Variants in SND1 observed in about 807,000 individuals in gnomAD.
The protein encoded by SND1 is staphylococcal nuclease domain-containing protein 1.
SND1 carries 38 observed loss-of-function variants against 121.7 expected under a neutral mutation model. The ratio of observed to expected loss-of-function variants is 0.31; its 90% CI spans 0.24 to 0.41. The LOEUF (loss-of-function observed/expected upper bound fraction) is 0.41. SND1 is among the 10% of genes least tolerant of loss of function. The pLI is 1.00. For synonymous variants in SND1, 401 were observed against 447.4 expected (o/e 0.90, Z 1.31); for missense variants, 868 against 1,184.6 (o/e 0.73, Z 3.92).
intron 16 of SND1, among the ~76,000 whole-genome samples, chr7:128,043,028 A>G (rs1390716549): frequency 6.6e-6 from 1 of 152,248 alleles, no homozygotes; most frequent in African/African-American, 2.4e-5. Flanking sequence ...GGGCTCACGC[A>G]TACATGAGAG....
intron 10 of SND1, among the ~76,000 whole-genome samples, chr7:127,786,223 T>A (rs998666180): frequency 1.3e-5 from 2 of 152,206 alleles, no homozygotes; most frequent in Non-Finnish European, 2.9e-5. Flanking sequence ...TAAAAGATGA[T>A]CTGTTTTATA....
At chr7:127,892,643 C>A (rs1024770453) in intron 13 of SND1, among the ~76,000 whole-genome samples, 8 of 152,142 alleles carry the variant, frequency 5.3e-5, no homozygotes, top group African/African-American at 1.9e-4. Flanking sequence ...TCAGCTGACC[C>A]CTGCCTCATT....
intron 16 of SND1, among the ~76,000 whole-genome samples, chr7:128,022,501 T>C (rs1222301780): frequency 5.9e-5 from 9 of 152,208 alleles, no homozygotes; most frequent in Non-Finnish European, 1.2e-4. Flanking sequence ...CTAACTTCCT[T>C]TGACAAGACA....
intron 22 of SND1, 44 bp downstream of exon 22, chr7:128,089,736 T>C (rs748927603): frequency 1.9e-6 from 3 of 1,560,368 alleles, no homozygotes; most frequent in Non-Finnish European, 2.6e-6. Context: ...GCCACCACCC[T>C]CACAGAGAAA....
chr7:127,996,347 T>C (rs555851178), intron 16 of SND1, among the ~76,000 whole-genome samples: 1 of 152,316 alleles, frequency 6.6e-6, no homozygotes, highest in South Asian at 2.1e-4. Context: ...CTGTATCGTG[T>C]CTGAAATAGA....
chr7:127,732,564 T>C (rs577294381), intron 10 of SND1, among the ~76,000 whole-genome samples: 1 of 152,368 alleles, frequency 6.6e-6, no homozygotes, highest in Admixed American at 6.5e-5. Context: ...GCTGTCTGGC[T>C]TTGGGTTCAG....
chr7:127,790,672 A>G (rs377762305), intron 10 of SND1, among the ~76,000 whole-genome samples: 15 of 152,328 alleles, frequency 9.8e-5, no homozygotes, highest in African/African-American at 3.6e-4. Flanking sequence ...TTTTAATTTC[A>G]GGTAGCTTGT....
At chr7:127,943,492 G>T (rs1356014263) in intron 15 of SND1, among the ~76,000 whole-genome samples, 1 of 152,172 alleles carries the variant, frequency 6.6e-6, no homozygotes, top group East Asian at 1.9e-4. Context: ...GCCCTTCTGT[G>T]TCTTCCATGA....
chr7:127,901,117 C>T (rs1360408027), intron 13 of SND1, among the ~76,000 whole-genome samples: 1 of 152,180 alleles, frequency 6.6e-6, no homozygotes, highest in East Asian at 1.9e-4. Context: ...TGCGGTCTGC[C>T]TACCTTCCCA....
At chr7:127,869,655 A>G (rs1445327152) in intron 12 of SND1, among the ~76,000 whole-genome samples, 1 of 152,162 alleles carries the variant, frequency 6.6e-6, no homozygotes, top group Non-Finnish European at 1.5e-5. Flanking sequence ...TAGATCTCAT[A>G]TAATTATAGT....
intron 10 of SND1, among the ~76,000 whole-genome samples, chr7:127,768,840 G>T (rs1797465350): frequency 6.6e-6 from 1 of 152,178 alleles, no homozygotes; most frequent in Admixed American, 6.5e-5. Context: ...CTTCAGGATG[G>T]TCAGATGCAT....
chr7:127,854,754 C>T (rs1248445872), intron 12 of SND1, among the ~76,000 whole-genome samples: 1 of 151,774 alleles, frequency 6.6e-6, no homozygotes, highest in Non-Finnish European at 1.5e-5. Flanking sequence ...ATTTCTCAGC[C>T]CCCTTCTCTT....
chr7:127,654,632 G>A (rs1795180510), intron 1 of SND1, among the ~76,000 whole-genome samples: 1 of 152,216 alleles, frequency 6.6e-6, no homozygotes, highest in Non-Finnish European at 1.5e-5. Context: ...ACTTCATTTG[G>A]TGCTTATGGT....
At chr7:128,088,701 C>T (rs1287167171) in intron 21 of SND1, among the ~76,000 whole-genome samples, 1 of 151,882 alleles carries the variant, frequency 6.6e-6, no homozygotes, top group East Asian at 1.9e-4. Flanking sequence ...CACCCACCCA[C>T]CTCGGCCTCC....
intron 10 of SND1, among the ~76,000 whole-genome samples, chr7:127,780,188 A>G (rs1203406087): frequency 6.6e-6 from 1 of 152,158 alleles, no homozygotes; most frequent in African/African-American, 2.4e-5. Context: ...AACCCCCACC[A>G]ATGGGACTGA....
intron 9 of SND1, among the ~76,000 whole-genome samples, chr7:127,717,474 G>A (rs990013458): frequency 4.6e-5 from 7 of 152,142 alleles, no homozygotes; most frequent in African/African-American, 1.7e-4. Flanking sequence ...CATCTTAAGA[G>A]TATCTGGTTT....
At chr7:127,843,044 T>C (rs1435001180) in intron 11 of SND1, among the ~76,000 whole-genome samples, 9 of 152,196 alleles carry the variant, frequency 5.9e-5, no homozygotes, top group Admixed American at 5.9e-4. Context: ...CCTATGTGTT[T>C]AGTTGTTTGA....
intron 12 of SND1, among the ~76,000 whole-genome samples, chr7:127,878,968 G>A (rs541433748): frequency 6.7e-6 from 1 of 148,726 alleles, no homozygotes; most frequent in Admixed American, 6.9e-5. Flanking sequence ...CAAAAATATC[G>A]ATGATCCAGA....
At chr7:128,067,622 C>A (rs1452443191) in intron 16 of SND1, among the ~76,000 whole-genome samples, 2 of 152,154 alleles carry the variant, frequency 1.3e-5, no homozygotes, top group East Asian at 1.9e-4. Flanking sequence ...ACGGGAGCAT[C>A]CTCCACAACT....
Sources: gnomAD v4.1 joint callset for allele counts (sites outside exome capture counted in the v4.1 genomes callset) on GRCh38, gnomAD v4.1.1 for gene constraint, MANE v1.5 for transcripts, NCBI Gene and HGNC (gene_info 2026-07-23, HGNC 2026-07-21) for gene names.